The following RAB28 variants were observed in gnomAD, a reference collection of about 807,000 sequenced individuals.
The protein encoded by RAB28 is RAB28, member RAS oncogene family, also known as ras-related protein Rab-28.
In RAB28, 24 loss-of-function variants were observed where a neutral mutation model predicts 31.7. That is an observed-to-expected ratio of 0.76 (90% confidence interval 0.55 to 1.06). The LOEUF (loss-of-function observed/expected upper bound fraction) is 1.06, where lower values mean the gene tolerates loss of function less well. Ranked by LOEUF, RAB28 falls within the 50% of genes least tolerant of loss-of-function variation. The pLI is 0.00. For synonymous variants in RAB28, 100 were observed against 90.4 expected, an observed-to-expected ratio of 1.11 and a Z score of -0.60; for missense variants, 254 against 258.5, an observed-to-expected ratio of 0.98 and a Z score of 0.12.
chr4:13,444,402 C>A (rs1714593334), intron 4 of RAB28, among the ~76,000 whole-genome samples: 1 of 152,222 alleles, frequency 6.6e-6, no homozygotes, highest in East Asian at 1.9e-4. Flanking sequence ...ATATGCGCCA[C>A]ATTTTCTTTA....
chr4:13,426,404 G>GA (rs1045422312), intron 4 of RAB28, among the ~76,000 whole-genome samples: 61 of 150,556 alleles, frequency 4.1e-4, no homozygotes, highest in African/African-American at 1.3e-3. Context: ...GAATTACGAA[G>GA]AAAAAAAAAT....
intron 6 of RAB28, among the ~76,000 whole-genome samples, chr4:13,374,062 G>T (rs1052448904): frequency 1.3e-5 from 2 of 151,966 alleles, no homozygotes; most frequent in Non-Finnish European, 2.9e-5. Context: ...AATATGAATT[G>T]TAAAATCAAT....
chr4:13,371,358 A>T, intron 6 of RAB28: 2 of 985,338 alleles, frequency 2.0e-6, no homozygotes, highest in Non-Finnish European at 2.4e-6. Context: ...TAACTGTTTC[A>T]TGCCAAACTA....
chr4:13,383,050 T>G (rs1729204134), intron 4 of RAB28, among the ~76,000 whole-genome samples: 3 of 152,088 alleles, frequency 2.0e-5, no homozygotes, highest in Admixed American at 1.3e-4. Context: ...CAGAGTGCTA[T>G]TCCTTAAACA....
chr4:13,375,657 A>G (rs1306099953), intron 6 of RAB28, among the ~76,000 whole-genome samples: 1 of 152,186 alleles, frequency 6.6e-6, no homozygotes, highest in Non-Finnish European at 1.5e-5. Flanking sequence ...AATGTCTTTG[A>G]ATGATGGGAA....
chr4:13,465,967 TG>T (rs1715822856), intron 3 of RAB28, among the ~76,000 whole-genome samples: 1 of 151,766 alleles, frequency 6.6e-6, no homozygotes, highest in Non-Finnish European at 1.5e-5. Flanking sequence ...AAATACACAA[TG>T]GAAAAAGGAT....
At chr4:13,480,420 A>G in intron 1 of RAB28, among the ~76,000 whole-genome samples, 1 of 151,914 alleles carries the variant, frequency 6.6e-6, no homozygotes, top group Non-Finnish European at 1.5e-5. Flanking sequence ...TCTTCAAGAC[A>G]GACTCCCTAC....
intron 4 of RAB28, among the ~76,000 whole-genome samples, chr4:13,434,649 G>A (rs926321822): frequency 2.0e-5 from 3 of 152,070 alleles, no homozygotes; most frequent in African/African-American, 7.2e-5. Context: ...CATGTGCTTG[G>A]TCATAAAGTC....
chr4:13,436,175 T>C (rs1466815502), intron 4 of RAB28, among the ~76,000 whole-genome samples: 1 of 152,002 alleles, frequency 6.6e-6, no homozygotes, highest in African/African-American at 2.4e-5. Flanking sequence ...GATAAAAACC[T>C]GCAACAAACT....
At chr4:13,427,563 C>T (rs952365127) in intron 4 of RAB28, among the ~76,000 whole-genome samples, 3 of 151,782 alleles carry the variant, frequency 2.0e-5, no homozygotes, top group Non-Finnish European at 4.4e-5. Context: ...GATTGTGCAG[C>T]GCAAATTACC....
chr4:13,473,921 T>C, intron 3 of RAB28: 1 of 362,218 alleles, frequency 2.8e-6, no homozygotes, highest in East Asian at 7.4e-5. Flanking sequence ...GACATATAGA[T>C]ATACTTTCAG....
At chr4:13,392,880 T>C (rs1729702573) in intron 4 of RAB28, among the ~76,000 whole-genome samples, 1 of 152,234 alleles carries the variant, frequency 6.6e-6, no homozygotes, top group South Asian at 2.1e-4. Flanking sequence ...TGTTCTCATC[T>C]ATAAAATGAA....
intron 6 of RAB28, chr4:13,371,143 C>T (rs1338895830): frequency 2.0e-6 from 2 of 985,266 alleles, no homozygotes; most frequent in East Asian, 2.3e-4. Flanking sequence ...GAATAGGATG[C>T]TGAGGCATAC....
chr4:13,440,781 T>C (rs1714371794), intron 4 of RAB28, among the ~76,000 whole-genome samples: 1 of 151,526 alleles, frequency 6.6e-6, no homozygotes, highest in South Asian at 2.1e-4. Context: ...GTAATTAAGG[T>C]AAAATGAGAC....
At chr4:13,380,861 G>C (rs1729099975) in intron 5 of RAB28, among the ~76,000 whole-genome samples, 1 of 151,712 alleles carries the variant, frequency 6.6e-6, no homozygotes, top group African/African-American at 2.4e-5. Flanking sequence ...ATAAATTTCT[G>C]AACATTTATT....
intron 5 of RAB28, 111 bp from the exon 6 acceptor site, chr4:13,376,733 T>C (rs1728938511): frequency 1.2e-5 from 7 of 578,038 alleles, no homozygotes; most frequent in South Asian, 3.2e-5. Flanking sequence ...AAAAATATGA[T>C]ATAGCAGGTG....
intron 6 of RAB28, chr4:13,369,938 A>G (rs140905130): frequency 1.2e-6 from 2 of 1,612,476 alleles, no homozygotes; most frequent in South Asian, 1.1e-5. Context: ...TCTTCCGGGT[A>G]CTTCACTATT....
chr4:13,423,486 G>T (rs1298064381), intron 4 of RAB28, among the ~76,000 whole-genome samples: 1 of 151,220 alleles, frequency 6.6e-6, no homozygotes, highest in East Asian at 1.9e-4. Flanking sequence ...TCCGTCTCGG[G>T]GGGGAAAAAA....
At chr4:13,432,326 G>A (rs1560290824) in intron 4 of RAB28, among the ~76,000 whole-genome samples, 1 of 152,042 alleles carries the variant, frequency 6.6e-6, no homozygotes, top group South Asian at 2.1e-4. Flanking sequence ...TGGCATTCCT[G>A]AGAGAGAAAA....
Sources: gnomAD v4.1 joint callset for allele counts (sites outside exome capture counted in the v4.1 genomes callset) on GRCh38, gnomAD v4.1.1 for gene constraint, MANE v1.5 for transcripts, NCBI Gene and HGNC (gene_info 2026-07-23, HGNC 2026-07-21) for gene names.